The following DNAAF9 variants were observed in gnomAD, a reference collection of about 807,000 sequenced individuals.
DNAAF9 encodes dynein axonemal assembly factor 9.
DNAAF9 carries 90 observed loss-of-function variants against 167.0 expected under a neutral mutation model. That is an observed-to-expected ratio of 0.54 (90% CI 0.45 to 0.64). DNAAF9 has a LOEUF of 0.64. Ranked by LOEUF, DNAAF9 falls within the 30% of genes least tolerant of loss-of-function variation. The pLI is 0.00. For missense variants in DNAAF9, 1,315 were observed against 1,442.2 expected (o/e 0.91, Z 1.43); for synonymous variants, 491 against 508.8 (o/e 0.96, Z 0.47).
At chr20:3,351,466 A>G (rs1381247762) in intron 7 of DNAAF9, among the ~76,000 whole-genome samples, 1 of 152,002 alleles carries the variant, frequency 6.6e-6, no homozygotes, top group Non-Finnish European at 1.5e-5. Context: ...CCTGGACAAC[A>G]AGAGTGAGAC....
chr20:3,299,173 C>T (rs752010938), intron 21 of DNAAF9, among the ~76,000 whole-genome samples: 3 of 151,974 alleles, frequency 2.0e-5, no homozygotes, highest in Non-Finnish European at 2.9e-5. Context: ...TCCCAAAGTG[C>T]TGGGATTGCA....
chr20:3,383,271 CTTTT>C (rs11087581), intron 1 of DNAAF9, among the ~76,000 whole-genome samples: 1 of 114,392 alleles, frequency 8.7e-6, no homozygotes. Flanking sequence ...TTCCCTAACA[CTTTT>C]TTTTTTTTTT....
chr20:3,306,828 A>G (rs1255688590), intron 20 of DNAAF9: 1 of 830,868 alleles, frequency 1.2e-6, no homozygotes, highest in African/African-American at 1.9e-5. Context: ...CAGACCTTCA[A>G]CACTCTCCTA....
At chr20:3,320,479 T>C (rs1228752003) in intron 16 of DNAAF9, among the ~76,000 whole-genome samples, 1 of 152,218 alleles carries the variant, frequency 6.6e-6, no homozygotes, top group Non-Finnish European at 1.5e-5. Flanking sequence ...AATCACCTGC[T>C]ACTATGCAAA....
At chr20:3,394,526 T>G (rs1045794734) in intron 1 of DNAAF9, among the ~76,000 whole-genome samples, 1 of 152,296 alleles carries the variant, frequency 6.6e-6, no homozygotes, top group South Asian at 2.1e-4. Flanking sequence ...GTCAGTATTA[T>G]AAACAAAATA....
At chr20:3,270,042 G>A (rs1034144550) in intron 30 of DNAAF9, among the ~76,000 whole-genome samples, 12 of 147,740 alleles carry the variant, frequency 8.1e-5, no homozygotes, top group Middle Eastern at 3.3e-3. Flanking sequence ...TCACTATATT[G>A]TCCAGGCTGG....
chr20:3,338,171 T>C (rs1340761410), intron 10 of DNAAF9, among the ~76,000 whole-genome samples: 2 of 151,796 alleles, frequency 1.3e-5, no homozygotes, highest in Non-Finnish European at 2.9e-5. Context: ...AAATTCAATT[T>C]TTTTGTTTGA....
At position 3,340,301 on chromosome 20, in the gene DNAAF9, C is replaced by T. The variant is rs550633044; in HGVS notation, c.981+203G>A. 3.0e-5 allele frequency among the ~76,000 whole-genome samples: 4 copies of T among 134,424 alleles called. No individual in the cohort carries two copies. In the South Asian group the frequency reaches 1.0e-3, roughly 34 times the overall value. The allele number at this position is 134,424 out of a possible 152,430, so 88.2% of individuals were successfully genotyped here. A position where few individuals can be genotyped will look rare whatever the true frequency, so the allele number is the denominator to read the frequency against. On this transcript the variant is annotated intron_variant, in intron 10 of 36. Transcript: ENST00000252032. ...AAGTATTTCAAAATTAAATGTGATG[C>T]TTTCAAATCATACCTAGTTTGTACT...
chr20:3,366,775 G>A (rs1387365365), intron 6 of DNAAF9, among the ~76,000 whole-genome samples: 3 of 151,340 alleles, frequency 2.0e-5, no homozygotes, highest in Admixed American at 6.6e-5. Context: ...AAATAAAAAA[G>A]TTAGCTGGGC....
In DNAAF9 at chr20:3,374,978, A is replaced by G. The variant is rs931437825; in HGVS notation, c.505+52T>C. 1.0e-4 allele frequency: 99 copies of G among 974,870 alleles called. No individual in the cohort carries two copies. The Admixed American group carries it at 1.8e-3, about 18-fold the overall frequency. The allele number at this position is 974,870 out of a possible 1,614,324, so 60.4% of individuals were successfully genotyped here. A position where few individuals can be genotyped will look rare whatever the true frequency, so the allele number is the denominator to read the frequency against. ...ATGAAAGGAAAAGTAGTGACGTTCA[A>G]TTCACACACCACCTAAGCAAGGTTC... is the stretch of plus-strand genomic sequence containing the variant. On this transcript the variant is annotated intron_variant, in intron 5 of 36. Transcript: ENST00000252032.
intron 13 of DNAAF9, 89 bp from the exon 14 acceptor site, chr20:3,325,057 C>T: frequency 2.5e-6 from 2 of 789,552 alleles, no homozygotes; most frequent in East Asian, 2.4e-5. Context: ...AACACTTGTC[C>T]AGGATCACAC....
chr20:3,270,109 C>T (rs1354291854), intron 30 of DNAAF9, among the ~76,000 whole-genome samples: 1 of 149,700 alleles, frequency 6.7e-6, no homozygotes, highest in Non-Finnish European at 1.5e-5. Context: ...GCTGAGATTA[C>T]AGGCACGAGC....
intron 10 of DNAAF9, among the ~76,000 whole-genome samples, chr20:3,333,690 T>TC (rs1179709948): frequency 6.6e-6 from 1 of 152,128 alleles, no homozygotes; most frequent in African/African-American, 2.4e-5. Flanking sequence ...TTAAAGGTTT[T>TC]TTTTTTAAAG....
intron 20 of DNAAF9, among the ~76,000 whole-genome samples, chr20:3,313,626 C>T (rs1482730584): frequency 6.6e-6 from 1 of 152,130 alleles, no homozygotes; most frequent in African/African-American, 2.4e-5. Context: ...CTGTAAAATC[C>T]ATGCAAGACC....
chr20:3,369,193 G>T (rs945398174), intron 6 of DNAAF9, among the ~76,000 whole-genome samples: 1 of 151,370 alleles, frequency 6.6e-6, no homozygotes, highest in African/African-American at 2.4e-5. Context: ...AGATTTAAGG[G>T]TTTTTTTTCC....
chr20:3,319,514 C>G (rs577435302), intron 16 of DNAAF9, among the ~76,000 whole-genome samples: 4 of 152,122 alleles, frequency 2.6e-5, no homozygotes, highest in Admixed American at 6.5e-5. Flanking sequence ...CCAGGAAGAT[C>G]TGATGAGGGA....
rs76705007 is a variant in DNAAF9, at chr20:3,313,899, C to T, written c.1678+1134G>A. ...GCAAACAGGGTAGAACCAAGAGCAC[C>T]GAGGCAGAGCTGAGAGCCAGAATTA... On this transcript the variant is annotated intron_variant, in intron 20 of 36. Coordinates refer to ENST00000252032, the MANE Select transcript of DNAAF9 (RefSeq NM_001009984.3). Among the ~76,000 whole-genome samples the T allele has an allele frequency of 6.6e-5, 10 of 152,230 alleles. No individual in the cohort carries two copies. The South Asian group carries it at 1.2e-3, about 19-fold the overall frequency.
chr20:3,307,022 A>G (rs1012338148), intron 20 of DNAAF9: 1 of 985,338 alleles, frequency 1.0e-6, no homozygotes, highest in African/African-American at 1.7e-5. Flanking sequence ...TTTTAGAAAC[A>G]AGTCCAGTGC....
intron 7 of DNAAF9, among the ~76,000 whole-genome samples, chr20:3,357,028 T>C (rs1289045532): frequency 2.0e-5 from 3 of 152,266 alleles, no homozygotes; most frequent in Non-Finnish European, 2.9e-5. Context: ...CTATGTTCTA[T>C]TTCATTATTT....
Sources: allele counts gnomAD v4.1 joint callset (sites outside exome capture counted in the v4.1 genomes callset), GRCh38; gene constraint gnomAD v4.1.1; transcripts MANE v1.5; gene names NCBI Gene and HGNC (gene_info 2026-07-23, HGNC 2026-07-21).